NRXN1: variants seen among roughly 807,000 people sequenced by gnomAD.
NRXN1 encodes neurexin 1, also known as neurexin-1.
NRXN1 carries 39 observed loss-of-function variants against 150.9 expected under a neutral mutation model. That is an observed-to-expected ratio of 0.26 (90% CI 0.20 to 0.34). The LOEUF (loss-of-function observed/expected upper bound fraction) is 0.34, where lower values mean the gene tolerates loss of function less well. Among genes scored for constraint, NRXN1 ranks in the 10% least tolerant of loss-of-function variants. The probability of loss-of-function intolerance (pLI) is 1.00; values close to 1 mark genes in which losing one functional copy is unlikely to be tolerated. For synonymous variants in NRXN1, 924 were observed against 757.0 expected (o/e 1.22, Z -3.62); for missense variants, 1,815 against 1,949.9 (o/e 0.93, Z 1.30).
At chr2:50,024,391 A>G (rs562085100) in intron 21 of NRXN1, among the ~76,000 whole-genome samples, 34 of 152,160 alleles carry the variant, frequency 2.2e-4, no homozygotes, top group Non-Finnish European at 4.9e-4. Flanking sequence ...AGATAATAAA[A>G]AGGTTTCCCC....
intron 2 of NRXN1, among the ~76,000 whole-genome samples, chr2:50,968,860 C>A (rs1361156830): frequency 6.6e-6 from 1 of 152,044 alleles, no homozygotes; most frequent in Non-Finnish European, 1.5e-5. Flanking sequence ...CTGGTCACTT[C>A]TTCGTTCCAT....
At chr2:50,846,900 G>T (rs1480418239) in intron 5 of NRXN1, among the ~76,000 whole-genome samples, 2 of 152,118 alleles carry the variant, frequency 1.3e-5, no homozygotes, top group Admixed American at 1.3e-4. Context: ...ATGACCTTAA[G>T]AAACAGGCAA....
At chr2:50,969,528 T>G in intron 2 of NRXN1, among the ~76,000 whole-genome samples, 1 of 152,266 alleles carries the variant, frequency 6.6e-6, no homozygotes, top group East Asian at 1.9e-4. Flanking sequence ...CAGGAAAGAT[T>G]TGTACTGGAA....
Position 49,919,896 on chromosome 2 carries a change from C to A in NRXN1, c.*2048G>T, listed in dbSNP as rs2103963768. ...CCAGGCCACTTCTTGGCTTTTTTTT[C>A]ATCAACTAAAGTATCACAAAAGATG... On this transcript the variant is annotated 3_prime_UTR_variant, in exon 23 of 23. Transcript: ENST00000401669. 1 of 152,036 alleles carries A rather than the reference C, an allele frequency of 6.6e-6. No individual in the cohort carries two copies. Among genetic ancestry groups the A allele is most frequent in the East Asian group, 1.9e-4 (1 of 5,180 alleles). The allele number at this position is 152,036 out of a possible 1,614,324, so 9.4% of individuals were successfully genotyped here.
intron 2 of NRXN1, among the ~76,000 whole-genome samples, chr2:50,994,363 G>C (rs943179800): frequency 6.6e-6 from 1 of 151,894 alleles, no homozygotes; most frequent in Non-Finnish European, 1.5e-5. Flanking sequence ...AAAAAATACA[G>C]ACTTAAATAG....
chr2:50,842,039 T>A (rs1389955483), intron 5 of NRXN1, among the ~76,000 whole-genome samples: 1 of 152,166 alleles, frequency 6.6e-6, no homozygotes, highest in East Asian at 1.9e-4. Context: ...TTGAATGAAT[T>A]TTATAGCCCC....
At chr2:50,319,844 T>C (rs2075884236) in intron 17 of NRXN1, among the ~76,000 whole-genome samples, 1 of 152,090 alleles carries the variant, frequency 6.6e-6, no homozygotes. Flanking sequence ...TATTCCTTTG[T>C]CCCTTAAGCT....
intron 17 of NRXN1, among the ~76,000 whole-genome samples, chr2:50,373,650 G>GAAAT (rs1472076620): frequency 1.0e-5 from 1 of 95,760 alleles, no homozygotes; most frequent in South Asian, 3.4e-4. Flanking sequence ...AAGAAAGAAA[G>GAAAT]AAAGAAAGAA....
At chr2:50,837,333 T>G (rs1368771455) in intron 5 of NRXN1, among the ~76,000 whole-genome samples, 1 of 152,152 alleles carries the variant, frequency 6.6e-6, no homozygotes, top group Non-Finnish European at 1.5e-5. Context: ...AACAAAGCAC[T>G]TTCTTTGCAT....
chr2:50,485,050 C>T (rs186566776), intron 15 of NRXN1, among the ~76,000 whole-genome samples: 4 of 152,272 alleles, frequency 2.6e-5, no homozygotes, highest in East Asian at 1.9e-4. Context: ...CTTTGTGCTA[C>T]GTGACAAATG....
At chr2:51,012,559 T>C (rs1668049371) in intron 2 of NRXN1, among the ~76,000 whole-genome samples, 1 of 152,082 alleles carries the variant, frequency 6.6e-6, no homozygotes, top group African/African-American at 2.4e-5. Flanking sequence ...TTTGGATGCC[T>C]GAATTGTTTA....
chr2:50,468,840 G>C (rs2089186577), intron 16 of NRXN1, among the ~76,000 whole-genome samples: 1 of 151,308 alleles, frequency 6.6e-6, no homozygotes, highest in Admixed American at 6.6e-5. Flanking sequence ...AGATAGTATA[G>C]GTAAACATAT....
chr2:50,984,234 G>A (rs1315215375), intron 2 of NRXN1, among the ~76,000 whole-genome samples: 2 of 143,144 alleles, frequency 1.4e-5, no homozygotes, highest in Admixed American at 7.5e-5. Flanking sequence ...ATCCACCCAC[G>A]TCGGCCTCCC....
intron 17 of NRXN1, among the ~76,000 whole-genome samples, chr2:50,339,104 CA>C (rs2077379315): frequency 1.3e-5 from 2 of 151,954 alleles, no homozygotes; most frequent in African/African-American, 4.8e-5. Context: ...CCCAGATAAT[CA>C]AAAAAACCAT....
chr2:50,065,983 G>A (rs72891409), intron 19 of NRXN1, among the ~76,000 whole-genome samples: 3,094 of 152,184 alleles, frequency 0.02, 90 homozygotes, highest in African/African-American at 0.071. Context: ...TTATCTCTGC[G>A]TTTCCTTTTA....
chr2:50,891,366 G>C lies in NRXN1; in HGVS notation c.832+30503C>G, dbSNP rs181374912. ...TTACCAGACTGACCATAAAGCACAG[G>C]ACTCCAGGTCAGCTGCAAAGGCCAT... On this transcript the variant is annotated intron_variant, in intron 5 of 22. Transcript: ENST00000401669. 2.2e-3 allele frequency among the ~76,000 whole-genome samples: 332 copies of C among 152,076 alleles called. 2 individuals are homozygous for C. The highest frequency in any genetic ancestry group is 6.8e-3 in the Middle Eastern group (2 of 294).
At chr2:50,115,577 G>A (rs113640244) in intron 18 of NRXN1, among the ~76,000 whole-genome samples, 4 of 151,952 alleles carry the variant, frequency 2.6e-5, no homozygotes, top group African/African-American at 7.2e-5. Flanking sequence ...GTATAAGTGA[G>A]ATACGAACCC....
intron 18 of NRXN1, among the ~76,000 whole-genome samples, chr2:50,132,773 A>G (rs1009275742): frequency 6.6e-6 from 1 of 151,946 alleles, no homozygotes; most frequent in African/African-American, 2.4e-5. Flanking sequence ...GGAAACGTCT[A>G]ATGTACATAG....
At chr2:50,826,196 T>C (rs1256174018) in intron 5 of NRXN1, among the ~76,000 whole-genome samples, 5 of 152,140 alleles carry the variant, frequency 3.3e-5, no homozygotes, top group African/African-American at 1.2e-4. Context: ...GATGGGCTAA[T>C]TGGAACATCC....
Sources: allele counts gnomAD v4.1 joint callset (sites outside exome capture counted in the v4.1 genomes callset), GRCh38; gene constraint gnomAD v4.1.1; transcripts MANE v1.5; gene names NCBI Gene and HGNC (gene_info 2026-07-23, HGNC 2026-07-21).